Variants in PPP2R5E observed in about 807,000 individuals in gnomAD.
The protein encoded by PPP2R5E is protein phosphatase 2 regulatory subunit B'epsilon.
Under a neutral mutation model 65.3 loss-of-function variants are expected in PPP2R5E, and 4 were observed. That is an observed-to-expected ratio of 0.06 (90% CI 0.03 to 0.14). The LOEUF (loss-of-function observed/expected upper bound fraction) is 0.14. Ranked by LOEUF, PPP2R5E falls within the 10% of genes least tolerant of loss-of-function variation. The pLI, the probability that PPP2R5E is intolerant of heterozygous loss-of-function variation, is 1.00. For missense variants in PPP2R5E, 274 were observed against 556.1 expected (o/e 0.49, Z 5.10); for synonymous variants, 183 against 187.4 (o/e 0.98, Z 0.19).
intron 1 of PPP2R5E, among the ~76,000 whole-genome samples, chr14:63,541,593 T>C (rs893859815): frequency 1.3e-5 from 2 of 152,202 alleles, no homozygotes; most frequent in Admixed American, 1.3e-4. Context: ...AGAATGCATA[T>C]GGGGGAAATG....
At chr14:63,512,332 A>C (rs1892498729) in intron 2 of PPP2R5E, among the ~76,000 whole-genome samples, 1 of 152,186 alleles carries the variant, frequency 6.6e-6, no homozygotes, top group Admixed American at 6.5e-5. Flanking sequence ...AGATGGGTAG[A>C]GATAGATGAT....
intron 5 of PPP2R5E, among the ~76,000 whole-genome samples, chr14:63,412,310 T>C (rs1186386812): frequency 1.3e-5 from 2 of 152,174 alleles, no homozygotes; most frequent in Admixed American, 6.5e-5. Flanking sequence ...TGCAGCAATA[T>C]GCAGAAAGCT....
chr14:63,458,340 T>C (rs1889255389), intron 2 of PPP2R5E, among the ~76,000 whole-genome samples: 2 of 152,210 alleles, frequency 1.3e-5, no homozygotes, highest in Admixed American at 1.3e-4. Context: ...CCCTATCTAA[T>C]GTTTGGGGCA....
chr14:63,423,435 A>C (rs1377079385), intron 3 of PPP2R5E, among the ~76,000 whole-genome samples: 1 of 152,096 alleles, frequency 6.6e-6, no homozygotes, highest in Non-Finnish European at 1.5e-5. Context: ...TATGTTTTAA[A>C]TGTTGTTGGT....
At chr14:63,528,080 A>C (rs926746245) in intron 2 of PPP2R5E, among the ~76,000 whole-genome samples, 2 of 152,124 alleles carry the variant, frequency 1.3e-5, no homozygotes, top group Non-Finnish European at 2.9e-5. Flanking sequence ...CAAAAAAAAA[A>C]CCTTCAAATA....
At chr14:63,379,121 T>G (rs974958541) in intron 13 of PPP2R5E, among the ~76,000 whole-genome samples, 30 of 151,434 alleles carry the variant, frequency 2.0e-4, no homozygotes, top group Admixed American at 2.0e-3. Flanking sequence ...CTCTGCCTCC[T>G]GGGTTCACGC....
chr14:63,389,874 T>C, intron 10 of PPP2R5E, 143 bp from the exon 11 acceptor site: 1 of 920,566 alleles, frequency 1.1e-6, no homozygotes, highest in Non-Finnish European at 1.6e-6. Flanking sequence ...CATTATCCCA[T>C]GTTAGAAGAT....
At chr14:63,479,266 T>C (rs1890572390) in intron 2 of PPP2R5E, 1 of 151,474 alleles carries the variant, frequency 6.6e-6, no homozygotes, top group Non-Finnish European at 1.5e-5. Context: ...TAAAGTCAAC[T>C]TCCAGGGCCT....
intron 2 of PPP2R5E, among the ~76,000 whole-genome samples, chr14:63,454,718 C>G (rs1291557470): frequency 6.6e-6 from 1 of 152,188 alleles, no homozygotes; most frequent in Non-Finnish European, 1.5e-5. Flanking sequence ...TTCAAATATA[C>G]CGACTAAGCT....
At chr14:63,500,487 GAATAATTGTTAC>G (rs1296024554) in intron 2 of PPP2R5E, among the ~76,000 whole-genome samples, 2 of 152,186 alleles carry the variant, frequency 1.3e-5, no homozygotes, top group Non-Finnish European at 2.9e-5. Flanking sequence ...AAACTGATAT[GAATAATTGTTAC>G]ATACTTGTAT....
chr14:63,402,844 T>A (rs1885832615), intron 5 of PPP2R5E, among the ~76,000 whole-genome samples: 2 of 152,138 alleles, frequency 1.3e-5, no homozygotes, highest in Admixed American at 1.3e-4. Context: ...AATAATTCAA[T>A]TCAATTTCCA....
intron 2 of PPP2R5E, among the ~76,000 whole-genome samples, chr14:63,467,844 G>C (rs1462075804): frequency 6.6e-6 from 1 of 152,202 alleles, no homozygotes; most frequent in African/African-American, 2.4e-5. Flanking sequence ...GCAATTTTGG[G>C]CAGTATAGTG....
rs5809200 is a variant in PPP2R5E, at chr14:63,432,039, C to CA, written c.355-9946dup. On this transcript the variant is annotated intron_variant, in intron 3 of 13. Coordinates refer to ENST00000337537, the MANE Select transcript of PPP2R5E (RefSeq NM_006246.5). ...ACAGGCAATTGAAGAAAGGGAATAT[C>CA]AAAAAAAAAAAAAAGCTTAAAACTT... Among the ~76,000 whole-genome samples, 349 of 116,154 alleles carry CA rather than the reference C, an allele frequency of 3.0e-3. 2 individuals carry two copies. Among genetic ancestry groups the CA allele is most frequent in the Admixed American group, 0.016 (177 of 10,988 alleles). The allele number at this position is 116,154 out of a possible 152,430, so 76.2% of individuals were successfully genotyped here. A position where few individuals can be genotyped will look rare whatever the true frequency, so the allele number is the denominator to read the frequency against.
intron 5 of PPP2R5E, among the ~76,000 whole-genome samples, chr14:63,403,158 G>A (rs1013211375): frequency 1.3e-5 from 2 of 152,130 alleles, no homozygotes; most frequent in Admixed American, 1.3e-4. Flanking sequence ...AGGGCACAGT[G>A]GCTCACGCCT....
intron 2 of PPP2R5E, among the ~76,000 whole-genome samples, chr14:63,495,417 CAAAAAA>C (rs772700927): frequency 0.036 from 3,338 of 93,238 alleles, 157 homozygotes; most frequent in African/African-American, 0.12. Context: ...ACTAAAAATA[CAAAAAA>C]AAAAAAAAAA....
chr14:63,464,761 C>T (rs1889692107), intron 2 of PPP2R5E, among the ~76,000 whole-genome samples: 1 of 152,200 alleles, frequency 6.6e-6, no homozygotes, highest in African/African-American at 2.4e-5. Context: ...GTGGCTCATG[C>T]CTGTAATCCC....
chr14:63,446,689 C>T (rs1888494971), intron 3 of PPP2R5E, among the ~76,000 whole-genome samples: 1 of 151,782 alleles, frequency 6.6e-6, no homozygotes, highest in Non-Finnish European at 1.5e-5. Flanking sequence ...ATTATCTGGG[C>T]GCAGTGGCAG....
chr14:63,378,630 T>G (rs1169927159), intron 13 of PPP2R5E, among the ~76,000 whole-genome samples: 1 of 152,192 alleles, frequency 6.6e-6, no homozygotes, highest in Admixed American at 6.5e-5. Context: ...CTGACACAGT[T>G]ATTGTCACCC....
intron 2 of PPP2R5E, among the ~76,000 whole-genome samples, chr14:63,526,650 G>A (rs763159265): frequency 3.9e-5 from 6 of 152,048 alleles, no homozygotes; most frequent in African/African-American, 9.7e-5. Context: ...TTGACCTCCC[G>A]GAATCAGGTG....
Sources: gnomAD v4.1 joint callset for allele counts (sites outside exome capture counted in the v4.1 genomes callset) on GRCh38, gnomAD v4.1.1 for gene constraint, MANE v1.5 for transcripts, NCBI Gene and HGNC (gene_info 2026-07-23, HGNC 2026-07-21) for gene names.